NKAIN2: variants seen among roughly 807,000 people sequenced by gnomAD.
NKAIN2 encodes the protein sodium/potassium transporting ATPase interacting 2.
Under a neutral mutation model 32.6 loss-of-function variants are expected in NKAIN2, and 14 were observed. The ratio of observed to expected loss-of-function variants is 0.43; its 90% CI spans 0.28 to 0.67. NKAIN2 has a LOEUF of 0.67. Among genes scored for constraint, NKAIN2 ranks in the 30% least tolerant of loss-of-function variants. NKAIN2 has a pLI of 0.17. For synonymous variants in NKAIN2, 80 were observed against 87.2 expected (o/e 0.92, Z 0.46); for missense variants, 198 against 258.3 (o/e 0.77, Z 1.60).
At chr6:124,779,277 G>C (rs1216559547) in intron 4 of NKAIN2, among the ~76,000 whole-genome samples, 1 of 126,052 alleles carries the variant, frequency 7.9e-6, no homozygotes, top group African/African-American at 2.9e-5. Context: ...GAGAGAGAGA[G>C]AGAGAGGAAG....
At chr6:123,908,343 C>T (rs1774994889) in intron 1 of NKAIN2, among the ~76,000 whole-genome samples, 1 of 152,140 alleles carries the variant, frequency 6.6e-6, no homozygotes, top group African/African-American at 2.4e-5. Context: ...TTACAGAATA[C>T]TATGATTATT....
chr6:124,272,431 G>C (rs1278386037), intron 1 of NKAIN2, among the ~76,000 whole-genome samples: 1 of 152,188 alleles, frequency 6.6e-6, no homozygotes, highest in Non-Finnish European at 1.5e-5. Context: ...ACATGGTGTT[G>C]AGCTTGTGGG....
intron 1 of NKAIN2, among the ~76,000 whole-genome samples, chr6:124,049,428 G>A (rs892845059): frequency 2.6e-5 from 4 of 151,820 alleles, no homozygotes; most frequent in African/African-American, 7.3e-5. Flanking sequence ...GAGCTCCCCC[G>A]GGTTTATGAA....
At chr6:124,728,735 C>CA (rs1287331740) in intron 4 of NKAIN2, among the ~76,000 whole-genome samples, 1 of 150,112 alleles carries the variant, frequency 6.7e-6, no homozygotes, top group African/African-American at 2.5e-5. Flanking sequence ...AATAGAGACA[C>CA]AAAAAACCCT....
intron 4 of NKAIN2, among the ~76,000 whole-genome samples, chr6:124,719,561 A>G (rs1474909131): frequency 1.3e-5 from 2 of 152,098 alleles, no homozygotes; most frequent in Non-Finnish European, 2.9e-5. Flanking sequence ...AACAGTCCCA[A>G]AGGAAGGAGT....
chr6:124,171,547 A>ATTT (rs10665262), intron 1 of NKAIN2, among the ~76,000 whole-genome samples: 19,436 of 96,290 alleles, frequency 0.2, 3,058 homozygotes, highest in Non-Finnish European at 0.24. Context: ...GGCCGATTTG[A>ATTT]TTTTTTTTTT....
chr6:124,427,246 T>C (rs1775021076), intron 3 of NKAIN2, among the ~76,000 whole-genome samples: 1 of 152,146 alleles, frequency 6.6e-6, no homozygotes, highest in South Asian at 2.1e-4. Flanking sequence ...TAGCCAAATA[T>C]GAAAAATGAC....
chr6:123,839,811 T>C (rs560036080), intron 1 of NKAIN2, among the ~76,000 whole-genome samples: 2 of 152,288 alleles, frequency 1.3e-5, no homozygotes, highest in East Asian at 3.9e-4. Flanking sequence ...TGACAGAAGA[T>C]GTTCCTATGC....
intron 3 of NKAIN2, among the ~76,000 whole-genome samples, chr6:124,644,707 G>A (rs1784109662): frequency 6.6e-6 from 1 of 152,108 alleles, no homozygotes; most frequent in South Asian, 2.1e-4. Context: ...TGCCCAGCTT[G>A]TTTGTGGTTT....
intron 1 of NKAIN2, among the ~76,000 whole-genome samples, chr6:123,967,518 A>C (rs1040007900): frequency 3.3e-5 from 5 of 152,106 alleles, no homozygotes; most frequent in Admixed American, 2.0e-4. Context: ...CAATAATTGC[A>C]GCTTTTCATG....
chr6:124,383,351 A>G (rs910760275), intron 3 of NKAIN2, among the ~76,000 whole-genome samples: 12 of 152,136 alleles, frequency 7.9e-5, no homozygotes, highest in Non-Finnish European at 1.6e-4. Flanking sequence ...TGATCTTTCT[A>G]AAAGGGCAGA....
chr6:123,860,213 A>G (rs562300359), intron 1 of NKAIN2, among the ~76,000 whole-genome samples: 2 of 152,222 alleles, frequency 1.3e-5, no homozygotes, highest in East Asian at 3.9e-4. Flanking sequence ...TTACTCACCC[A>G]CAGGCTGAGG....
chr6:124,633,598 C>A (rs1188368502), intron 3 of NKAIN2, among the ~76,000 whole-genome samples: 2 of 152,094 alleles, frequency 1.3e-5, no homozygotes, highest in Non-Finnish European at 2.9e-5. Context: ...TATTCTCTTC[C>A]AGAGAATATA....
At chr6:124,609,574 G>A (rs1038386646) in intron 3 of NKAIN2, among the ~76,000 whole-genome samples, 1 of 151,998 alleles carries the variant, frequency 6.6e-6, no homozygotes, top group African/African-American at 2.4e-5. Context: ...TGATGAACAT[G>A]TGTCTGATCG....
intron 1 of NKAIN2, among the ~76,000 whole-genome samples, chr6:124,102,337 G>A (rs1003345907): frequency 6.6e-6 from 1 of 152,174 alleles, no homozygotes; most frequent in Non-Finnish European, 1.5e-5. Context: ...TTCATTCCAG[G>A]CTTCAGCTCC....
chr6:124,202,421 G>A (rs929993340), intron 1 of NKAIN2, among the ~76,000 whole-genome samples: 1 of 151,800 alleles, frequency 6.6e-6, no homozygotes, highest in African/African-American at 2.4e-5. Flanking sequence ...AGCATATTAA[G>A]TACACAAAAT....
intron 1 of NKAIN2, among the ~76,000 whole-genome samples, chr6:124,268,192 C>G (rs1794591772): frequency 6.6e-6 from 1 of 152,136 alleles, no homozygotes; most frequent in Non-Finnish European, 1.5e-5. Context: ...GCACAACTTA[C>G]TGTAGGTGTG....
intron 2 of NKAIN2, among the ~76,000 whole-genome samples, chr6:124,349,298 CT>C (rs1798603111): frequency 6.6e-6 from 1 of 152,032 alleles, no homozygotes; most frequent in African/African-American, 2.4e-5. Flanking sequence ...CTGCTCCCCC[CT>C]ACAAAGGCGG....
At chr6:124,189,416 G>T (rs1346474175) in intron 1 of NKAIN2, among the ~76,000 whole-genome samples, 1 of 152,004 alleles carries the variant, frequency 6.6e-6, no homozygotes, top group African/African-American at 2.4e-5. Context: ...TAAAAAAAAT[G>T]CAAGCCAGGT....
Sources: gnomAD v4.1 joint callset for allele counts (sites outside exome capture counted in the v4.1 genomes callset) on GRCh38, gnomAD v4.1.1 for gene constraint, MANE v1.5 for transcripts, NCBI Gene and HGNC (gene_info 2026-07-23, HGNC 2026-07-21) for gene names.